Variants in CUEDC1 observed in about 807,000 individuals in gnomAD.
CUEDC1 encodes CUE domain-containing protein 1.
Under a neutral mutation model 43.7 loss-of-function variants are expected in CUEDC1, and 30 were observed. The observed-to-expected ratio is 0.69, with a 90% CI of 0.51 to 0.93. The LOEUF is 0.93. Among genes scored for constraint, CUEDC1 ranks in the 40% least tolerant of loss-of-function variants. CUEDC1 has a pLI of 0.00. For missense variants in CUEDC1, 486 were observed against 549.0 expected (o/e 0.89, Z 1.15); for synonymous variants, 223 against 223.6 (o/e 1.00, Z 0.02).
At chr17:57,953,543 G>C (rs2075027574) in intron 1 of CUEDC1, among the ~76,000 whole-genome samples, 1 of 152,210 alleles carries the variant, frequency 6.6e-6, no homozygotes, top group Admixed American at 6.5e-5. Flanking sequence ...AGTAACTCTA[G>C]GGCAGAGGTC....
intron 1 of CUEDC1, among the ~76,000 whole-genome samples, chr17:57,921,348 T>G (rs2074696602): frequency 6.6e-6 from 1 of 152,144 alleles, no homozygotes; most frequent in South Asian, 2.1e-4. Context: ...CCGAGTGTTT[T>G]CTTGAAAAGA....
chr17:57,896,088 A>G (rs982859197), intron 1 of CUEDC1, among the ~76,000 whole-genome samples: 1 of 152,164 alleles, frequency 6.6e-6, no homozygotes, highest in African/African-American at 2.4e-5. Flanking sequence ...ATTAGAAAGG[A>G]GTGCTCAGGA....
chr17:57,870,224 G>A (rs879781539), intron 6 of CUEDC1, among the ~76,000 whole-genome samples: 2 of 152,204 alleles, frequency 1.3e-5, no homozygotes, highest in Non-Finnish European at 2.9e-5. Context: ...GCCACTGTTC[G>A]CACACAGGCA....
chr17:57,949,698 G>C (rs956216914), intron 1 of CUEDC1, among the ~76,000 whole-genome samples: 16 of 149,020 alleles, frequency 1.1e-4, no homozygotes, highest in African/African-American at 4.0e-4. Context: ...TACGCCTCCT[G>C]AGTAGCTGGG....
At chr17:57,898,476 C>A (rs1320673729) in intron 1 of CUEDC1, among the ~76,000 whole-genome samples, 1 of 152,122 alleles carries the variant, frequency 6.6e-6, no homozygotes, top group Non-Finnish European at 1.5e-5. Flanking sequence ...CCTGATCCTG[C>A]AGCTTATGGG....
intron 3 of CUEDC1, among the ~76,000 whole-genome samples, chr17:57,877,064 G>T (rs188469030): frequency 9.9e-5 from 15 of 152,262 alleles, no homozygotes; most frequent in Admixed American, 2.0e-4. Context: ...AGAACAGACC[G>T]CTTCTGTCTG....
intron 1 of CUEDC1, among the ~76,000 whole-genome samples, chr17:57,926,915 C>T (rs1445415365): frequency 6.6e-6 from 1 of 152,046 alleles, no homozygotes; most frequent in Non-Finnish European, 1.5e-5. Context: ...AAAGGAATGA[C>T]TCAGACAGGG....
In CUEDC1 at chr17:57,862,164, T is replaced by C. The variant is rs2144895154; in HGVS notation, c.*1125A>G. 6.6e-6 allele frequency: 1 copy of C among 152,352 alleles called. No homozygotes were observed. The highest frequency in any genetic ancestry group is 2.4e-5 in the African/African-American group (1 of 41,538). 9.4% of individuals were successfully genotyped at this position (152,352 alleles called of 1,614,324 possible). A position where few individuals can be genotyped will look rare whatever the true frequency, so the allele number is the denominator to read the frequency against. ...TCTCCGGAAGGTCTGCGCGCTCCCA[T>C]GTCCAGGGCGGGGCCACGGGCTGGG... On this transcript the variant is annotated 3_prime_UTR_variant, in exon 11 of 11. Transcript: ENST00000577830.
At chr17:57,913,030 T>C (rs2074600671) in intron 1 of CUEDC1, among the ~76,000 whole-genome samples, 1 of 152,024 alleles carries the variant, frequency 6.6e-6, no homozygotes, top group Admixed American at 6.6e-5. Flanking sequence ...CAAATTTTTG[T>C]AGAAACTGGG....
At position 57,868,233 on chromosome 17, in the gene CUEDC1, C is replaced by T. The variant is rs1175680495; in HGVS notation, c.951G>A (p.Arg317=). The T allele has an allele frequency of 1.2e-6, 2 of 1,614,094 alleles. No individual in the cohort carries two copies. Among genetic ancestry groups the T allele is most frequent in the Non-Finnish European group, 1.7e-6 (2 of 1,180,016 alleles). The change falls in exon 8 of 11, where the codon AGG becomes AGA. Residue 317 remains arginine, a synonymous_variant. Coordinates refer to ENST00000577830, the MANE Select transcript of CUEDC1 (RefSeq NM_001271875.2). ...AGGCTCGGGCAAGTTCAAACAGTTT[C>T]CTCCGGGTGGCTGGGGGCAGAGAGA... ...KLKHMGKSTR[R]KLFELARAFS... is the part of the protein sequence containing the mutation.
At chr17:57,869,314 G>GGAGTT in intron 6 of CUEDC1, 121 bp from the exon 7 acceptor site, 1 of 806,460 alleles carries the variant, frequency 1.2e-6, no homozygotes, top group Non-Finnish European at 2.0e-6. Context: ...TGGCCAGAAG[G>GGAGTT]GAGTTTAAAG....
At position 57,871,329 on chromosome 17, in the gene CUEDC1, G is replaced by A. The variant is rs145917592; in HGVS notation, c.825C>T (p.Ser275=). The A allele has an allele frequency of 1.4e-4, 222 of 1,614,048 alleles. No individual in the cohort carries two copies. In the African/African-American group the frequency reaches 2.5e-3, roughly 18 times the overall value. The part of the protein sequence containing the change: ...KYESQKSKSS[S]VAVGNDFGFS... The stretch of plus-strand genomic sequence containing the variant: ...AGCCAAAGTCGTTTCCGACAGCCAC[G>A]CTGCTGGATTTAGATTTCTGGGATT... Residue 275 remains serine (S), a synonymous_variant, in exon 6 of 11, where the codon AGC becomes AGT. Transcript: ENST00000577830.
chr17:57,865,565 C>T (rs933499821), intron 10 of CUEDC1, among the ~76,000 whole-genome samples: 3 of 152,184 alleles, frequency 2.0e-5, no homozygotes, highest in Admixed American at 6.5e-5. Flanking sequence ...CCATGGTAAA[C>T]GGGGGCTGGA....
chr17:57,879,523 C>A, intron 3 of CUEDC1, 88 bp downstream of exon 3: 1 of 1,462,884 alleles, frequency 6.8e-7, no homozygotes, highest in Non-Finnish European at 9.0e-7. Flanking sequence ...CTGAGCAGTC[C>A]AGCCAAGTTT....
chr17:57,895,048 G>C (rs770759180), intron 1 of CUEDC1, among the ~76,000 whole-genome samples: 37 of 152,214 alleles, frequency 2.4e-4, no homozygotes, highest in Non-Finnish European at 2.2e-4. Context: ...AATGAGAATA[G>C]ATAACACTTA....
chr17:57,873,632 C>A lies in CUEDC1; in HGVS notation c.550G>T (p.Asp184Tyr). Residue 184 changes from aspartate (D) to tyrosine (Y), a missense_variant, in exon 4 of 11, where the codon GAC (aspartate) becomes TAC (tyrosine). Physicochemically the swap from Asp to Tyr is radical, Grantham distance 160. Transcript: ENST00000577830. ...NPPLLGNLPDDFLRILPQQLD... is the reference protein window; with the variant it reads ...NPPLLGNLPDYFLRILPQQLD... The stretch of plus-strand genomic sequence containing the variant: ...TGCTGGGGCAGGATGCGGAGAAAGT[C>A]ATCCGGAAGGTTGCCCAGCAGTGGT... 1 of 1,603,708 alleles carries A rather than the reference C, an allele frequency of 6.2e-7. No homozygotes were observed. The highest frequency in any genetic ancestry group is 1.1e-5 in the South Asian group (1 of 89,346).
At position 57,902,198 on chromosome 17, in the gene CUEDC1, A is replaced by C. The variant is rs1056072620; in HGVS notation, c.-315-16319T>G. 4.6e-5 allele frequency among the ~76,000 whole-genome samples: 7 copies of C among 151,914 alleles called. No homozygotes were observed. In the South Asian group the frequency reaches 8.3e-4, roughly 18 times the overall value. On this transcript the variant is annotated intron_variant, in intron 1 of 10. Transcript: ENST00000577830. Reference sequence around the variant, plus strand: ...AAGAGCGAGACTCCACCTCAGAAAAAAAAAAACAAAAAACAAAAAACAAAA... The same window carrying C: ...AAGAGCGAGACTCCACCTCAGAAAACAAAAAACAAAAAACAAAAAACAAAA...
Position 57,922,875 on chromosome 17 carries a change from C to G in CUEDC1, c.-316+32350G>C, listed in dbSNP as rs112026547. Among the ~76,000 whole-genome samples, 980 of 145,840 alleles carry G rather than the reference C, an allele frequency of 6.7e-3. 13 individuals are homozygous for G. Among genetic ancestry groups the G allele is most frequent in the African/African-American group, 0.023 (920 of 40,838 alleles). On this transcript the variant is annotated intron_variant, in intron 1 of 10. Transcript: ENST00000577830. ...AGAATCACCCAGGGAATTTCTCCCT[C>G]TCTCTTTTTTTTTTTTTTTAAATAG...
chr17:57,927,417 G>A (rs957066205), intron 1 of CUEDC1, among the ~76,000 whole-genome samples: 22 of 151,008 alleles, frequency 1.5e-4, no homozygotes, highest in African/African-American at 5.3e-4. Context: ...AAAAGCCAGA[G>A]TTAGAGAGAG....
Sources: allele counts gnomAD v4.1 joint callset (sites outside exome capture counted in the v4.1 genomes callset), GRCh38; gene constraint gnomAD v4.1.1; transcripts MANE v1.5; gene names NCBI Gene and HGNC (gene_info 2026-07-23, HGNC 2026-07-21).